Variants in CACNA2D3 observed in about 807,000 individuals in gnomAD.
The protein encoded by CACNA2D3 is voltage-dependent calcium channel subunit alpha-2/delta-3.
In CACNA2D3, 60 loss-of-function variants were observed where a neutral mutation model predicts 160.6. That is an observed-to-expected ratio of 0.37 (90% CI 0.30 to 0.46). The LOEUF is 0.46. CACNA2D3 is among the 20% of genes least tolerant of loss of function. The probability of loss-of-function intolerance (pLI) is 1.00; values close to 1 mark genes in which losing one functional copy is unlikely to be tolerated. For missense variants in CACNA2D3, 1,205 were observed against 1,365.0 expected (o/e 0.88, Z 1.85); for synonymous variants, 558 against 492.9 (o/e 1.13, Z -1.75).
chr3:54,909,664 T>A (rs959871567), intron 27 of CACNA2D3, among the ~76,000 whole-genome samples: 1 of 145,068 alleles, frequency 6.9e-6, no homozygotes, highest in East Asian at 2.0e-4. Flanking sequence ...TTTTTTTTTT[T>A]AGCTCATCAG....
chr3:54,689,999 A>C (rs930732764), intron 11 of CACNA2D3, among the ~76,000 whole-genome samples: 9 of 151,830 alleles, frequency 5.9e-5, no homozygotes, highest in Non-Finnish European at 1.2e-4. Context: ...ACCTCCTTAC[A>C]ACTCCTGAGA....
chr3:54,715,497 C>G (rs1701036237), intron 11 of CACNA2D3, among the ~76,000 whole-genome samples: 1 of 152,088 alleles, frequency 6.6e-6, no homozygotes, highest in South Asian at 2.1e-4. Context: ...CTCCCTTCCC[C>G]TCCCCAGAAT....
intron 4 of CACNA2D3, among the ~76,000 whole-genome samples, chr3:54,448,391 T>C (rs1306700837): frequency 6.6e-6 from 1 of 152,218 alleles, no homozygotes; most frequent in African/African-American, 2.4e-5. Context: ...TTTTAGACCC[T>C]GTTTGATCCA....
At chr3:54,510,476 G>A (rs755672188) in intron 5 of CACNA2D3, among the ~76,000 whole-genome samples, 8 of 152,122 alleles carry the variant, frequency 5.3e-5, no homozygotes, top group Non-Finnish European at 1.2e-4. Context: ...ATCACTTTAG[G>A]TACAGGTGAT....
intron 2 of CACNA2D3, among the ~76,000 whole-genome samples, chr3:54,291,293 T>C (rs1421415413): frequency 6.6e-6 from 1 of 152,198 alleles, no homozygotes; most frequent in East Asian, 1.9e-4. Flanking sequence ...TAAAAAGCAG[T>C]TGCAGGAATG....
intron 3 of CACNA2D3, among the ~76,000 whole-genome samples, chr3:54,340,761 TA>T (rs770235871): frequency 7.2e-5 from 11 of 152,216 alleles, no homozygotes; most frequent in Non-Finnish European, 1.3e-4. Flanking sequence ...CAGCATCCAC[TA>T]TTCTACTTCC....
chr3:55,069,691 A>G (rs1201638000), intron 35 of CACNA2D3, among the ~76,000 whole-genome samples: 1 of 152,192 alleles, frequency 6.6e-6, no homozygotes, highest in African/African-American at 2.4e-5. Context: ...TTGATTGGGT[A>G]GAATTCACCT....
At chr3:54,569,368 A>AC (rs1702458029) in intron 6 of CACNA2D3, among the ~76,000 whole-genome samples, 1 of 152,064 alleles carries the variant, frequency 6.6e-6, no homozygotes, top group East Asian at 1.9e-4. Flanking sequence ...TATGCTTTCA[A>AC]CCCCCCTCCT....
chr3:54,965,080 T>C (rs1443867071), intron 27 of CACNA2D3, among the ~76,000 whole-genome samples: 1 of 152,150 alleles, frequency 6.6e-6, no homozygotes, highest in Non-Finnish European at 1.5e-5. Flanking sequence ...GGACCAATAG[T>C]AAATAACTGA....
At chr3:54,458,760 CTTTT>C (rs1377557927) in intron 4 of CACNA2D3, among the ~76,000 whole-genome samples, 4 of 145,970 alleles carry the variant, frequency 2.7e-5, no homozygotes, top group African/African-American at 1.0e-4. Context: ...AATACATTTT[CTTTT>C]TTTATTTTAT....
chr3:54,241,949 G>A (rs1248448922), intron 2 of CACNA2D3, among the ~76,000 whole-genome samples: 3 of 152,270 alleles, frequency 2.0e-5, no homozygotes, highest in African/African-American at 4.8e-5. Flanking sequence ...GTGAGAGTTT[G>A]TATAGTAGTT....
chr3:54,320,066 G>T (rs1482753022), intron 2 of CACNA2D3, among the ~76,000 whole-genome samples: 2 of 152,184 alleles, frequency 1.3e-5, no homozygotes, highest in African/African-American at 4.8e-5. Flanking sequence ...ATCACTTTGA[G>T]AACTGCACAT....
chr3:54,282,449 A>G (rs1441867767), intron 2 of CACNA2D3, among the ~76,000 whole-genome samples: 5 of 152,226 alleles, frequency 3.3e-5, no homozygotes, highest in Non-Finnish European at 7.3e-5. Flanking sequence ...AGGTAGAGAC[A>G]CCAGAGTACT....
intron 8 of CACNA2D3, among the ~76,000 whole-genome samples, chr3:54,574,623 A>T (rs1395522528): frequency 6.6e-6 from 1 of 152,230 alleles, no homozygotes; most frequent in East Asian, 1.9e-4. Flanking sequence ...ATGAAGAGAG[A>T]TGTCTCTGAC....
intron 9 of CACNA2D3, among the ~76,000 whole-genome samples, chr3:54,610,209 A>G (rs1488061468): frequency 6.6e-6 from 1 of 152,208 alleles, no homozygotes; most frequent in Non-Finnish European, 1.5e-5. Flanking sequence ...CCTATCCTAA[A>G]TAAGATCACA....
At chr3:54,182,901 A>T (rs975846555) in intron 2 of CACNA2D3, among the ~76,000 whole-genome samples, 9 of 152,226 alleles carry the variant, frequency 5.9e-5, no homozygotes, top group Admixed American at 4.6e-4. Context: ...CAAGCAGAGG[A>T]ACTAATCTAT....
intron 2 of CACNA2D3, among the ~76,000 whole-genome samples, chr3:54,141,061 C>CTGTGTGTGTGTGTGTGTGTGTG (rs55833247): frequency 0.025 from 3,249 of 129,066 alleles, 101 homozygotes; most frequent in East Asian, 0.11. Flanking sequence ...CAGGTGAAAC[C>CTGTGTGTGTGTGTGTGTGTGTG]TGTGTGTGTG....
At chr3:54,161,850 C>G (rs924857416) in intron 2 of CACNA2D3, among the ~76,000 whole-genome samples, 2 of 152,290 alleles carry the variant, frequency 1.3e-5, no homozygotes, top group Non-Finnish European at 2.9e-5. Flanking sequence ...TTTTCTGACA[C>G]AAAACAGCGA....
chr3:55,018,557 G>C (rs905717432), intron 35 of CACNA2D3, among the ~76,000 whole-genome samples: 3 of 152,128 alleles, frequency 2.0e-5, no homozygotes, highest in Admixed American at 1.3e-4. Flanking sequence ...GAGATTTGTA[G>C]GTCAGTTTGT....
Sources: allele counts gnomAD v4.1 joint callset (sites outside exome capture counted in the v4.1 genomes callset), GRCh38; gene constraint gnomAD v4.1.1; transcripts MANE v1.5; gene names NCBI Gene and HGNC (gene_info 2026-07-23, HGNC 2026-07-21).